Variants in USP22 observed in about 807,000 individuals in gnomAD.
The protein encoded by USP22 is ubiquitin carboxyl-terminal hydrolase 22.
In USP22, 22 loss-of-function variants were observed where a neutral mutation model predicts 68.1. The observed-to-expected ratio is 0.32, with a 90% CI of 0.23 to 0.46. USP22 has a LOEUF of 0.46. Among genes scored for constraint, USP22 ranks in the 20% least tolerant of loss-of-function variants. USP22 has a pLI of 1.00. For synonymous variants in USP22, 279 were observed against 274.2 expected, an observed-to-expected ratio of 1.02 and a Z score of -0.17; for missense variants, 433 against 695.8, an observed-to-expected ratio of 0.62 and a Z score of 4.25.
intron 1 of USP22, among the ~76,000 whole-genome samples, chr17:21,037,811 T>C (rs903323929): frequency 6.6e-6 from 1 of 152,174 alleles, no homozygotes; most frequent in African/African-American, 2.4e-5. Context: ...CTGAATGAGA[T>C]GGTGGATTAT....
In USP22 at chr17:21,030,815, G is replaced by A. The variant is rs541815821; in HGVS notation, c.172-2141C>T. On this transcript the variant is annotated intron_variant, in intron 1 of 12. Transcript: ENST00000261497. ...CATGATCTTGGATTGAATCCTATAC[G>A]CCAATTTTTAAAGGCATAAAGGATA... 1.6e-4 allele frequency among the ~76,000 whole-genome samples: 24 copies of A among 152,236 alleles called. No homozygotes were observed. The East Asian group carries it at 2.7e-3, about 17-fold the overall frequency.
At chr17:21,025,484 C>A (rs1972208152) in intron 2 of USP22, among the ~76,000 whole-genome samples, 1 of 152,174 alleles carries the variant, frequency 6.6e-6, no homozygotes. Context: ...GATGACCCTG[C>A]CAGCTCACTT....
At chr17:21,022,877 T>C (rs1435838418) in intron 2 of USP22, among the ~76,000 whole-genome samples, 1 of 151,538 alleles carries the variant, frequency 6.6e-6, no homozygotes, top group Non-Finnish European at 1.5e-5. Flanking sequence ...GACACATGCA[T>C]GCGTGTGTTC....
At chr17:21,013,018 G>T in intron 6 of USP22, 83 bp from the exon 7 acceptor site, 1 of 1,331,184 alleles carries the variant, frequency 7.5e-7, no homozygotes, top group Non-Finnish European at 1.1e-6. Flanking sequence ...CCCTGCAGAA[G>T]CCTGGGGGAG....
intron 10 of USP22, among the ~76,000 whole-genome samples, chr17:21,005,347 T>C (rs938346996): frequency 2.0e-5 from 3 of 152,128 alleles, no homozygotes; most frequent in Non-Finnish European, 4.4e-5. Context: ...AGGGTTAGCT[T>C]GAAAGGGTAC....
intron 1 of USP22, among the ~76,000 whole-genome samples, chr17:21,039,213 C>T (rs12947974): frequency 2.6e-5 from 4 of 151,404 alleles, no homozygotes; most frequent in African/African-American, 7.3e-5. Context: ...GGCCTCCCAA[C>T]GTGCTGGGAT....
At chr17:21,041,309 A>AT (rs1205426022) in intron 1 of USP22, among the ~76,000 whole-genome samples, 1 of 152,146 alleles carries the variant, frequency 6.6e-6, no homozygotes, top group Non-Finnish European at 1.5e-5. Context: ...GATAAAAAAA[A>AT]TTTTGAGGCC....
chr17:21,018,145 T>G, intron 4 of USP22, 34 bp from the exon 5 acceptor site: 2 of 1,530,414 alleles, frequency 1.3e-6, no homozygotes, highest in Non-Finnish European at 1.8e-6. Context: ...AGGAGTTACC[T>G]GTGTGCTGAA....
At chr17:21,020,657 T>A (rs1027884934) in intron 3 of USP22, among the ~76,000 whole-genome samples, 18 of 152,228 alleles carry the variant, frequency 1.2e-4, no homozygotes, top group South Asian at 4.1e-4. Flanking sequence ...TATGTTTACA[T>A]ATAACATTAC....
intron 3 of USP22, among the ~76,000 whole-genome samples, chr17:21,020,736 A>AGT (rs1466192910): frequency 1.3e-5 from 2 of 152,188 alleles, no homozygotes; most frequent in African/African-American, 4.8e-5. Context: ...CCAGATACGG[A>AGT]GTCACCTGTC....
chr17:21,034,590 T>A (rs1035377627), intron 1 of USP22, among the ~76,000 whole-genome samples: 11 of 152,218 alleles, frequency 7.2e-5, no homozygotes, highest in Admixed American at 1.3e-4. Context: ...CTCTGTCCCA[T>A]GACCATCCCT....
At chr17:21,024,243 A>G (rs1048777035) in intron 2 of USP22, among the ~76,000 whole-genome samples, 1 of 152,192 alleles carries the variant, frequency 6.6e-6, no homozygotes, top group Non-Finnish European at 1.5e-5. Context: ...GGGTGATGAG[A>G]ATTTACAGTA....
At chr17:21,017,662 C>T (rs942676965) in intron 5 of USP22, among the ~76,000 whole-genome samples, 3 of 152,156 alleles carry the variant, frequency 2.0e-5, no homozygotes, top group South Asian at 2.1e-4. Context: ...GAGAATCACC[C>T]GTCTTTAGAG....
At chr17:21,036,192 G>C (rs1411021198) in intron 1 of USP22, among the ~76,000 whole-genome samples, 2 of 152,080 alleles carry the variant, frequency 1.3e-5, no homozygotes, top group Non-Finnish European at 2.9e-5. Flanking sequence ...ATGGAGACGA[G>C]ACCAGTGGTT....
rs1222169237 is a variant in USP22 at position 21,011,629 on chromosome 17, T to C, written c.945-320A>G. On this transcript the variant is annotated intron_variant, in intron 7 of 12. Coordinates refer to ENST00000261497, the MANE Select transcript of USP22 (RefSeq NM_015276.2). ...AACTCATGGGCCCTGTCAGAGGCTCTGAATCCACAGGTCTATCTCAGCTGC... is the reference window on the plus strand; with the variant it reads ...AACTCATGGGCCCTGTCAGAGGCTCCGAATCCACAGGTCTATCTCAGCTGC... 5 of 320,942 alleles carry C rather than the reference T, an allele frequency of 1.6e-5. No individual in the cohort carries two copies. The Admixed American group carries it at 1.9e-4, about 12-fold the overall frequency. 19.9% of individuals were successfully genotyped at this position (320,942 alleles called of 1,614,324 possible).
chr17:21,008,065 G>A (rs1913834080), intron 8 of USP22, 69 bp from the exon 9 acceptor site: 2 of 1,521,782 alleles, frequency 1.3e-6, no homozygotes, highest in Admixed American at 3.9e-5. Context: ...GAGGAAAGAG[G>A]TATTTTATCT....
rs35324126 is a variant in USP22 at position 21,036,030 on chromosome 17, C to CAAA, written c.171+6632_171+6634dup. Among the ~76,000 whole-genome samples the CAAA allele has an allele frequency of 1.7e-3, 99 of 59,636 alleles. 1 individual carries two copies. The highest frequency in any genetic ancestry group is 6.0e-3 in the African/African-American group (68 of 11,262). The allele number at this position is 59,636 out of a possible 152,430, so 39.1% of individuals were successfully genotyped here. A position where few individuals can be genotyped will look rare whatever the true frequency, so the allele number is the denominator to read the frequency against. On this transcript the variant is annotated intron_variant, in intron 1 of 12. Transcript: ENST00000261497. Reference sequence around the variant, plus strand: ...TGGGCGACAGAGCAAGACTCCGTCTCAAAAAAAAAAAAAAAAAAAAAAAAA... The same window carrying CAAA: ...TGGGCGACAGAGCAAGACTCCGTCTCAAAAAAAAAAAAAAAAAAAAAAAAAAAA...
At chr17:21,031,008 A>C (rs1972283146) in intron 1 of USP22, among the ~76,000 whole-genome samples, 1 of 152,230 alleles carries the variant, frequency 6.6e-6, no homozygotes, top group South Asian at 2.1e-4. Context: ...ATGATTCAGA[A>C]AAAGGTACAG....
rs1313351144 is a variant in USP22 at position 20,999,636 on chromosome 17, CA to C, written c.*3394del. On this transcript the variant is annotated 3_prime_UTR_variant, in exon 13 of 13. Transcript: ENST00000261497. ...CTTTATTATGACATAGGAGAGACTA[CA>C]AAGCACTGGGGGGGAGGAGGAGTGA... is the stretch of plus-strand genomic sequence containing the variant. The C allele has an allele frequency of 6.6e-6, 1 of 152,070 alleles. No individual in the cohort carries two copies. Among genetic ancestry groups the C allele is most frequent in the East Asian group, 1.9e-4 (1 of 5,192 alleles). The allele number at this position is 152,070 out of a possible 1,614,324, so 9.4% of individuals were successfully genotyped here. A position where few individuals can be genotyped will look rare whatever the true frequency, so the allele number is the denominator to read the frequency against.
Sources: allele counts gnomAD v4.1 joint callset (sites outside exome capture counted in the v4.1 genomes callset), GRCh38; gene constraint gnomAD v4.1.1; transcripts MANE v1.5; gene names NCBI Gene and HGNC (gene_info 2026-07-23, HGNC 2026-07-21).